The following PEX14 variants were observed in gnomAD, a reference collection of about 807,000 sequenced individuals.
The protein encoded by PEX14 is peroxisomal membrane protein PEX14.
In PEX14, 15 loss-of-function variants were observed where a neutral mutation model predicts 49.5. That is an observed-to-expected ratio of 0.30 (90% CI 0.20 to 0.47). The LOEUF (loss-of-function observed/expected upper bound fraction) is 0.47, where lower values mean the gene tolerates loss of function less well. Among genes scored for constraint, PEX14 ranks in the 20% least tolerant of loss-of-function variants. PEX14 has a pLI of 1.00. For synonymous variants in PEX14, 210 were observed against 212.7 expected, an observed-to-expected ratio of 0.99 and a Z score of 0.11; for missense variants, 398 against 494.8, an observed-to-expected ratio of 0.80 and a Z score of 1.86.
chr1:10,615,603 C>T (rs1353490566), intron 4 of PEX14, among the ~76,000 whole-genome samples: 1 of 152,244 alleles, frequency 6.6e-6, no homozygotes, highest in Non-Finnish European at 1.5e-5. Context: ...TTTCTCAAAA[C>T]TGCAAATGCA....
chr1:10,599,640 C>T (rs1222993009), intron 4 of PEX14, among the ~76,000 whole-genome samples: 1 of 152,222 alleles, frequency 6.6e-6, no homozygotes, highest in Admixed American at 6.5e-5. Flanking sequence ...ACCTGTACAA[C>T]TATTTATTGA....
At position 10,624,351 on chromosome 1, in the gene PEX14, C is replaced by T; in HGVS notation, c.499C>T (p.Gln167Ter). Residue 167 changes from glutamine (Q) to a stop codon, truncating the protein, a stop_gained, in exon 7 of 9, where the codon CAG (glutamine) becomes TAG (stop). Transcript: ENST00000356607. LOFTEE classifies it high-confidence loss of function. ...GSVAQTVTQL[Q>*]TTLASVQELL... ...CTTTCTCCTCGCAGTGACTCAGTTA[C>T]AGACGACCCTCGCCTCCGTCCAGGA... 1 of 1,611,922 alleles carries T rather than the reference C, an allele frequency of 6.2e-7. No individual in the cohort carries two copies. The highest frequency in any genetic ancestry group is 8.5e-7 in the Non-Finnish European group (1 of 1,178,298).
intron 3 of PEX14, among the ~76,000 whole-genome samples, chr1:10,561,439 C>T (rs1639651094): frequency 6.6e-6 from 1 of 152,144 alleles, no homozygotes; most frequent in African/African-American, 2.4e-5. Flanking sequence ...ACACATTCTG[C>T]ATTTGTCTCA....
At chr1:10,566,169 T>C (rs1639799076) in intron 3 of PEX14, among the ~76,000 whole-genome samples, 1 of 152,208 alleles carries the variant, frequency 6.6e-6, no homozygotes, top group African/African-American at 2.4e-5. Context: ...GCAGTATTGT[T>C]GAACTTTTAC....
intron 1 of PEX14, among the ~76,000 whole-genome samples, chr1:10,478,881 G>C (rs1641237687): frequency 6.6e-6 from 1 of 151,888 alleles, no homozygotes. Flanking sequence ...GAGTAGCTGG[G>C]ACTACAGGCA....
intron 3 of PEX14, among the ~76,000 whole-genome samples, chr1:10,543,357 A>G (rs1308537673): frequency 3.3e-5 from 5 of 152,034 alleles, no homozygotes; most frequent in Admixed American, 1.3e-4. Context: ...GCTGGTCTTG[A>G]ACTCCTGATC....
chr1:10,629,828 C>CGAGGAGGAT lies in PEX14; in HGVS notation c.987_995dup (p.Glu329_Asp331dup), dbSNP rs1318692969. 22 of 1,598,340 alleles carry CGAGGAGGAT rather than the reference C, an allele frequency of 1.4e-5. 1 individual carries two copies. In the Middle Eastern group the frequency reaches 1.8e-3, roughly 132 times the overall value. ...AGGAGAAGAGGGAGGACAAGGAGGACGAGGAGGATGAGGAGGATGATGATG... is the reference window on the plus strand; with the variant it reads ...AGGAGAAGAGGGAGGACAAGGAGGACGAGGAGGATGAGGAGGATGAGGAGGATGATGATG... On this transcript the variant is annotated inframe_insertion, in exon 9 of 9. Coordinates refer to ENST00000356607, the MANE Select transcript of PEX14 (RefSeq NM_004565.3). This position sits in a 1 kb window ranked among gnomAD's most constrained non-coding sequence, Gnocchi z 8.5.
chr1:10,476,072 C>A (rs1384214843), intron 1 of PEX14, among the ~76,000 whole-genome samples: 1 of 152,206 alleles, frequency 6.6e-6, no homozygotes, highest in African/African-American at 2.4e-5. Context: ...CTTGGGGCCT[C>A]ATTCCTCCTC....
chr1:10,547,256 C>T (rs1452943779), intron 3 of PEX14, among the ~76,000 whole-genome samples: 1 of 152,204 alleles, frequency 6.6e-6, no homozygotes, highest in Non-Finnish European at 1.5e-5. Context: ...AATAGGAAAC[C>T]TCAGTGTTTC....
chr1:10,542,352 T>C (rs1240260995), intron 3 of PEX14, among the ~76,000 whole-genome samples: 2 of 152,238 alleles, frequency 1.3e-5, no homozygotes, highest in African/African-American at 4.8e-5. Context: ...TTTTACACTT[T>C]ACTCGTATAC....
chr1:10,491,564 G>T (rs952005083), intron 1 of PEX14, among the ~76,000 whole-genome samples: 2 of 150,206 alleles, frequency 1.3e-5, no homozygotes, highest in Non-Finnish European at 3.0e-5. Context: ...ATGGGGTCTC[G>T]CTGTGTTGCC....
Position 10,630,004 on chromosome 1 carries a change from T to C in PEX14, c.*17T>C, listed in dbSNP as rs760049712. 1.2e-6 allele frequency: 2 copies of C among 1,605,960 alleles called. No individual in the cohort carries two copies. Among genetic ancestry groups the C allele is most frequent in the Non-Finnish European group, 1.7e-6 (2 of 1,179,220 alleles). ...CGGGACTAGGGCTGCGCCTGCTGCCTCCAGCCCTGAGGATGGCATCTAGTG... is the reference window on the plus strand; with the variant it reads ...CGGGACTAGGGCTGCGCCTGCTGCCCCCAGCCCTGAGGATGGCATCTAGTG... On this transcript the variant is annotated 3_prime_UTR_variant, in exon 9 of 9. Transcript: ENST00000356607. The surrounding 1 kb of genome is among the most constrained non-coding windows in gnomAD (Gnocchi z 4.1).
chr1:10,614,987 C>T (rs998273786), intron 4 of PEX14, among the ~76,000 whole-genome samples: 8 of 152,020 alleles, frequency 5.3e-5, no homozygotes, highest in Non-Finnish European at 7.4e-5. Flanking sequence ...GTGAAAGATC[C>T]GTCTGCCTCA....
At chr1:10,477,722 C>G (rs1344014150) in intron 1 of PEX14, among the ~76,000 whole-genome samples, 1 of 152,072 alleles carries the variant, frequency 6.6e-6, no homozygotes, top group African/African-American at 2.4e-5. Flanking sequence ...AGTATAGGCT[C>G]TAAAGCCAGA....
chr1:10,478,952 C>T (rs748019727), intron 1 of PEX14, among the ~76,000 whole-genome samples: 8 of 151,760 alleles, frequency 5.3e-5, no homozygotes, highest in African/African-American at 7.3e-5. Flanking sequence ...GATGTTTCAC[C>T]GTATTAGCCA....
chr1:10,480,279 C>T (rs752716763), intron 1 of PEX14, among the ~76,000 whole-genome samples: 11 of 151,536 alleles, frequency 7.3e-5, no homozygotes, highest in East Asian at 3.9e-4. Context: ...GGCTCAATCT[C>T]GGCTCACTGC....
intron 3 of PEX14, among the ~76,000 whole-genome samples, chr1:10,581,399 TGGTTTCAA>T (rs1450378021): frequency 1.3e-5 from 2 of 150,584 alleles, no homozygotes; most frequent in Non-Finnish European, 2.9e-5. Flanking sequence ...CTGTGTCTCC[TGGTTTCAA>T]GCAATTCTCT....
chr1:10,629,851 A>G lies in PEX14; in HGVS notation c.998A>G (p.Asp333Gly). ...GACGAGGAGGATGAGGAGGATGATG[A>G]TGTGAGCCATGTGGACGAGGAGGAC... Reference protein sequence around the residue: ...KEDEEDEEDDDVSHVDEEDCL... With the variant: ...KEDEEDEEDDGVSHVDEEDCL... The change falls in exon 9 of 9, where the codon GAT (aspartate) becomes GGT (glycine). Residue 333 changes from aspartate (D) to glycine (G), a missense_variant. Coordinates refer to ENST00000356607, the MANE Select transcript of PEX14 (RefSeq NM_004565.3). The surrounding 1 kb of genome is among the most constrained non-coding windows in gnomAD (Gnocchi z 8.5). 6.2e-7 allele frequency: 1 copy of G among 1,609,618 alleles called. No homozygotes were observed. Among genetic ancestry groups the G allele is most frequent in the Non-Finnish European group, 8.5e-7 (1 of 1,176,688 alleles).
At chr1:10,521,173 C>T (rs1638280886) in intron 2 of PEX14, among the ~76,000 whole-genome samples, 2 of 150,842 alleles carry the variant, frequency 1.3e-5, no homozygotes, top group African/African-American at 4.9e-5. Context: ...GTTTTCTATT[C>T]TCTCCTTTTC....
Sources: allele counts gnomAD v4.1 joint callset (sites outside exome capture counted in the v4.1 genomes callset), GRCh38; gene constraint gnomAD v4.1.1; non-coding constraint Gnocchi (gnomAD v3.1); transcripts MANE v1.5; gene names NCBI Gene and HGNC (gene_info 2026-07-23, HGNC 2026-07-21).